Variants in ARHGAP10 observed in about 807,000 individuals in gnomAD.
The protein encoded by ARHGAP10 is rho GTPase-activating protein 10.
In ARHGAP10, 87 loss-of-function variants were observed where a neutral mutation model predicts 108.6. The ratio of observed to expected loss-of-function variants is 0.80; its 90% CI spans 0.67 to 0.96. ARHGAP10 has a LOEUF of 0.96. Among genes scored for constraint, ARHGAP10 ranks in the 40% least tolerant of loss-of-function variants. The pLI is 0.00. For synonymous variants in ARHGAP10, 347 were observed against 341.1 expected, an observed-to-expected ratio of 1.02 and a Z score of -0.19; for missense variants, 939 against 954.5, an observed-to-expected ratio of 0.98 and a Z score of 0.21.
chr4:147,953,891 T>G (rs1045195025), intron 15 of ARHGAP10, among the ~76,000 whole-genome samples: 1 of 152,018 alleles, frequency 6.6e-6, no homozygotes, highest in Non-Finnish European at 1.5e-5. Flanking sequence ...TATAGGTGTT[T>G]AGTAGCATAA....
In ARHGAP10 at chr4:147,965,218, A is replaced by G. The variant is rs189716753; in HGVS notation, c.1556+89A>G. On this transcript the variant is annotated intron_variant, in intron 17 of 22. Transcript: ENST00000336498. ...GGATTTGTGACGGGTGGAACTGGGGACCACACCTGGAAGGGCAGGCTGAAC... is the reference window on the plus strand; with the variant it reads ...GGATTTGTGACGGGTGGAACTGGGGGCCACACCTGGAAGGGCAGGCTGAAC... The G allele has an allele frequency of 3.5e-3, 3,125 of 897,062 alleles. 14 individuals are homozygous for G. The highest frequency in any genetic ancestry group is 0.021 in the Middle Eastern group (89 of 4,336). 55.6% of individuals were successfully genotyped at this position (897,062 alleles called of 1,614,324 possible). A position where few individuals can be genotyped will look rare whatever the true frequency, so the allele number is the denominator to read the frequency against.
At position 148,023,338 on chromosome 4, in the gene ARHGAP10, A is replaced by G. The variant is rs1453960446; in HGVS notation, c.1792A>G (p.Arg598Gly). The change falls in exon 19 of 23, where the codon AGG becomes GGG. Residue 598 changes from arginine (R) to glycine (G), a missense_variant. Coordinates refer to ENST00000336498, the MANE Select transcript of ARHGAP10 (RefSeq NM_024605.4). ...LSASPPNAPPRQSKRQGQRTK... is the reference protein window; with the variant it reads ...LSASPPNAPPGQSKRQGQRTK... ...AGCATCACCCCCAAATGCGCCACCA[A>G]GGCAGTCGAAGAGACAAGGCCAGAG... The G allele has an allele frequency of 1.2e-6, 2 of 1,614,094 alleles. No homozygotes were observed. The highest frequency in any genetic ancestry group is 1.7e-6 in the Non-Finnish European group (2 of 1,180,024).
At chr4:147,835,866 T>C (rs1242942243) in intron 3 of ARHGAP10, among the ~76,000 whole-genome samples, 1 of 152,254 alleles carries the variant, frequency 6.6e-6, no homozygotes, top group Non-Finnish European at 1.5e-5. Context: ...AATAATATTC[T>C]TCCCAAGTAT....
chr4:148,017,797 T>G (rs1741407751), intron 18 of ARHGAP10, among the ~76,000 whole-genome samples: 1 of 152,052 alleles, frequency 6.6e-6, no homozygotes. Context: ...AGGTTTAAGT[T>G]GTGTGCTAAA....
chr4:147,759,830 C>T (rs1238443426), intron 1 of ARHGAP10, among the ~76,000 whole-genome samples: 1 of 152,156 alleles, frequency 6.6e-6, no homozygotes, highest in Non-Finnish European at 1.5e-5. Flanking sequence ...CTCACCACAA[C>T]CCTCGCCTTC....
At chr4:147,831,310 G>T (rs1732946594) in intron 3 of ARHGAP10, among the ~76,000 whole-genome samples, 2 of 152,232 alleles carry the variant, frequency 1.3e-5, no homozygotes, top group Non-Finnish European at 2.9e-5. Context: ...TGAGACTATA[G>T]CTGGTTTGTG....
Position 147,906,511 on chromosome 4 carries a change from A to G in ARHGAP10, c.1035-127A>G, listed in dbSNP as rs1736500509. 4 of 814,610 alleles carry G rather than the reference A, an allele frequency of 4.9e-6. No homozygotes were observed. The South Asian group carries it at 5.4e-5, about 11-fold the overall frequency. The allele number at this position is 814,610 out of a possible 1,614,324, so 50.5% of individuals were successfully genotyped here. A position where few individuals can be genotyped will look rare whatever the true frequency, so the allele number is the denominator to read the frequency against. ...CACTTAAAAATCGTTAAGATGATAA[A>G]TTTTAGGTTACATGTATTTTACCAC... On this transcript the variant is annotated intron_variant, in intron 10 of 22. Coordinates refer to ENST00000336498, the MANE Select transcript of ARHGAP10 (RefSeq NM_024605.4).
Position 147,906,714 on chromosome 4 carries a change from G to A in ARHGAP10, c.1111G>A (p.Glu371Lys), listed in dbSNP as rs1274847488. 21 of 1,614,008 alleles carry A rather than the reference G, an allele frequency of 1.3e-5. No individual in the cohort carries two copies. The highest frequency in any genetic ancestry group is 1.8e-5 in the Non-Finnish European group (21 of 1,179,982). Residue 371 changes from glutamate to lysine, a missense_variant, in exon 11 of 23, where the codon GAA becomes AAA. By Grantham distance (56) the Glu-to-Lys change is moderately conservative. Transcript: ENST00000336498. ...GTGGTTGGAAGCTCTGGGTGGAAAGGAAGCTGTAAGAATAATCAATGGTTG... is the reference window on the plus strand; with the variant it reads ...GTGGTTGGAAGCTCTGGGTGGAAAGAAAGCTGTAAGAATAATCAATGGTTG... ...KQWLEALGGK[E>K]ALSHSFNTAI...
chr4:148,023,625 C>CT (rs1468650096), intron 19 of ARHGAP10, among the ~76,000 whole-genome samples: 2 of 152,108 alleles, frequency 1.3e-5, no homozygotes, highest in South Asian at 2.1e-4. Flanking sequence ...ATGCATGGTT[C>CT]TTTTTTTATT....
rs372454592 is a variant in ARHGAP10, at chr4:147,955,266, G to A, written c.1392-50G>A. 104 of 1,527,462 alleles carry A rather than the reference G, an allele frequency of 6.8e-5. No homozygotes were observed. The African/African-American group carries it at 1.1e-3, about 16-fold the overall frequency. The allele number at this position is 1,527,462 out of a possible 1,614,324, so 94.6% of individuals were successfully genotyped here. On this transcript the variant is annotated intron_variant, in intron 15 of 22. Coordinates refer to ENST00000336498, the MANE Select transcript of ARHGAP10 (RefSeq NM_024605.4). ...CATCCTTTCATAAAAAAACTCAGAA[G>A]TGACTTGTTTGGATTTATTTGATAA...
chr4:147,844,224 A>G (rs1379644081), intron 3 of ARHGAP10, among the ~76,000 whole-genome samples: 1 of 152,120 alleles, frequency 6.6e-6, no homozygotes, highest in African/African-American at 2.4e-5. Flanking sequence ...CATAATAGGT[A>G]TATATATTTA....
chr4:148,043,762 ATG>A (rs1206974338), intron 19 of ARHGAP10, among the ~76,000 whole-genome samples: 5 of 142,808 alleles, frequency 3.5e-5, no homozygotes, highest in East Asian at 2.0e-4. Flanking sequence ...ATGTATATAT[ATG>A]TGTATATATA....
intron 4 of ARHGAP10, among the ~76,000 whole-genome samples, chr4:147,855,116 C>T (rs1228282000): frequency 1.3e-5 from 2 of 152,218 alleles, no homozygotes; most frequent in Non-Finnish European, 2.9e-5. Flanking sequence ...TACTATGTGA[C>T]CTTGCTTTGC....
intron 19 of ARHGAP10, among the ~76,000 whole-genome samples, chr4:148,029,117 T>C (rs1408103102): frequency 2.0e-5 from 3 of 152,182 alleles, no homozygotes; most frequent in African/African-American, 4.8e-5. Flanking sequence ...ATGGAAATAG[T>C]GTATATGGGA....
At chr4:147,935,881 C>T (rs1019589828) in intron 13 of ARHGAP10, among the ~76,000 whole-genome samples, 3 of 152,130 alleles carry the variant, frequency 2.0e-5, no homozygotes, top group Non-Finnish European at 2.9e-5. Flanking sequence ...AGCTTTAATT[C>T]CCCCTTGCAC....
At chr4:147,812,815 G>C (rs1193945120) in intron 1 of ARHGAP10, among the ~76,000 whole-genome samples, 1 of 152,098 alleles carries the variant, frequency 6.6e-6, no homozygotes, top group Non-Finnish European at 1.5e-5. Flanking sequence ...TCTGACTTCT[G>C]TGCCCCTTCT....
intron 19 of ARHGAP10, among the ~76,000 whole-genome samples, chr4:148,039,563 G>A (rs1728544313): frequency 6.6e-6 from 1 of 151,414 alleles, no homozygotes; most frequent in Non-Finnish European, 1.5e-5. Flanking sequence ...ACCTCCCAAA[G>A]TGCTGGGATT....
At chr4:148,042,400 T>A (rs1163964655) in intron 19 of ARHGAP10, among the ~76,000 whole-genome samples, 1 of 152,240 alleles carries the variant, frequency 6.6e-6, no homozygotes, top group Non-Finnish European at 1.5e-5. Context: ...TTACCCTACA[T>A]CATGCACCTG....
At chr4:148,069,573 C>G (rs555562824) in intron 22 of ARHGAP10, among the ~76,000 whole-genome samples, 2 of 152,320 alleles carry the variant, frequency 1.3e-5, no homozygotes, top group East Asian at 3.9e-4. Flanking sequence ...AATACCGAGT[C>G]TGTGCTTGCG....
Sources: gnomAD v4.1 joint callset for allele counts (sites outside exome capture counted in the v4.1 genomes callset) on GRCh38, gnomAD v4.1.1 for gene constraint, MANE v1.5 for transcripts, NCBI Gene and HGNC (gene_info 2026-07-23, HGNC 2026-07-21) for gene names.